The following MAPK10 variants were observed in gnomAD, a reference collection of about 807,000 sequenced individuals.
The protein encoded by MAPK10 is mitogen-activated protein kinase 10.
MAPK10 carries 25 observed loss-of-function variants against 59.3 expected under a neutral mutation model. The observed-to-expected ratio is 0.42, with a 90% CI of 0.31 to 0.59. MAPK10 has a LOEUF of 0.59. Among genes scored for constraint, MAPK10 ranks in the 20% least tolerant of loss-of-function variants. The probability of loss-of-function intolerance (pLI) is 0.15; values close to 1 mark genes in which losing one functional copy is unlikely to be tolerated. For missense variants in MAPK10, 351 were observed against 568.9 expected, an observed-to-expected ratio of 0.62 and a Z score of 3.90; for synonymous variants, 190 against 200.5, an observed-to-expected ratio of 0.95 and a Z score of 0.44.
intron 2 of MAPK10, among the ~76,000 whole-genome samples, chr4:86,265,605 T>C (rs1399317593): frequency 6.6e-6 from 1 of 152,122 alleles, no homozygotes; most frequent in Non-Finnish European, 1.5e-5. Context: ...TTTATATAAC[T>C]TGAAGTGCAA....
At chr4:86,052,431 G>T (rs1222887579) in intron 11 of MAPK10, among the ~76,000 whole-genome samples, 8 of 152,086 alleles carry the variant, frequency 5.3e-5, no homozygotes, top group African/African-American at 1.9e-4. Flanking sequence ...ATCTGAAAAA[G>T]CCTGTGAACT....
intron 11 of MAPK10, among the ~76,000 whole-genome samples, chr4:86,045,678 G>T (rs2042359233): frequency 6.6e-6 from 1 of 151,760 alleles, no homozygotes; most frequent in South Asian, 2.1e-4. Context: ...CAATGCTTGG[G>T]AACTCCTTCC....
rs773298656 is a variant in MAPK10, at chr4:86,523,973, TGAAC to T, written c.-263+69933_-263+69936del. Among the ~76,000 whole-genome samples, 182 of 152,278 alleles carry T rather than the reference TGAAC, an allele frequency of 1.2e-3. 2 individuals are homozygous for T. Among genetic ancestry groups the T allele is most frequent in the Non-Finnish European group, 2.8e-4 (19 of 68,020 alleles). ...TTGGGTCATGGGAGTGGATCCTACA[TGAAC>T]AGATTAATATCCTCCTTCAAGGGTG... On this transcript the variant is annotated intron_variant, in intron 1 of 4. Coordinates refer to the MAPK10 transcript ENST00000502302.
chr4:86,302,616 C>T (rs1255056089), intron 2 of MAPK10, among the ~76,000 whole-genome samples: 1 of 152,150 alleles, frequency 6.6e-6, no homozygotes, highest in Non-Finnish European at 1.5e-5. Flanking sequence ...TTGTAAGTGA[C>T]CTATTTAGGG....
rs911578549 is a variant in MAPK10, at chr4:86,178,718, A to G, written c.66+15618T>C. Among the ~76,000 whole-genome samples, 7 of 152,314 alleles carry G rather than the reference A, an allele frequency of 4.6e-5. No individual in the cohort carries two copies. The South Asian group carries it at 1.5e-3, about 32-fold the overall frequency. The stretch of plus-strand genomic sequence containing the variant: ...CATTAGAAATAAGTAAAGGGCATCC[A>G]AAGTAGAAAGGAAGAAGTCAAGTTG... On this transcript the variant is annotated intron_variant, in intron 3 of 13. Coordinates refer to ENST00000641462, the MANE Select transcript of MAPK10 (RefSeq NM_138982.4).
intron 9 of MAPK10, among the ~76,000 whole-genome samples, chr4:86,097,062 A>G (rs919250760): frequency 6.6e-6 from 1 of 152,016 alleles, no homozygotes; most frequent in African/African-American, 2.4e-5. Context: ...AGATATATAT[A>G]TTTAACCCAA....
intron 4 of MAPK10, among the ~76,000 whole-genome samples, chr4:86,139,740 C>A (rs2063173190): frequency 6.6e-6 from 1 of 152,024 alleles, no homozygotes; most frequent in Non-Finnish European, 1.5e-5. Flanking sequence ...ATCAGAGTAG[C>A]AGGCAACATA....
chr4:86,373,728 T>C lies in MAPK10; in HGVS notation c.-121-19084A>G, dbSNP rs548629043. On this transcript the variant is annotated intron_variant, in intron 1 of 13. Coordinates refer to the MAPK10 transcript ENST00000361569. ...AGATACCATCTCAAGCCAGTTAGAA[T>C]GGTGATCATGAGAAAGTCAGGAAAC... 6.9e-4 allele frequency among the ~76,000 whole-genome samples: 105 copies of C among 152,296 alleles called. 1 individual carries two copies. Among genetic ancestry groups the C allele is most frequent in the African/African-American group, 2.5e-3 (102 of 41,562 alleles).
intron 1 of MAPK10, among the ~76,000 whole-genome samples, chr4:86,437,213 CAAAAA>C (rs61312037): frequency 1.2e-5 from 1 of 80,750 alleles, no homozygotes. Context: ...GACTCTGTCT[CAAAAA>C]AAAAAAAAAA....
At chr4:86,187,816 C>G (rs1582278257) in intron 3 of MAPK10, among the ~76,000 whole-genome samples, 1 of 152,068 alleles carries the variant, frequency 6.6e-6, no homozygotes, top group South Asian at 2.1e-4. Flanking sequence ...ATGTGCAGAA[C>G]ATGAAGGTTT....
intron 1 of MAPK10, among the ~76,000 whole-genome samples, chr4:86,553,893 T>C (rs1345306865): frequency 7.6e-6 from 1 of 131,740 alleles, no homozygotes; most frequent in African/African-American, 3.1e-5. Flanking sequence ...ACTTCTTAAT[T>C]TTTTTTTTTT....
intron 4 of MAPK10, among the ~76,000 whole-genome samples, chr4:86,112,226 T>C (rs1421918344): frequency 6.6e-6 from 1 of 152,098 alleles, no homozygotes; most frequent in Non-Finnish European, 1.5e-5. Flanking sequence ...AGTTCTGCTC[T>C]GAGCTTGGTT....
intron 2 of MAPK10, among the ~76,000 whole-genome samples, chr4:86,289,522 T>C (rs1293471162): frequency 6.6e-6 from 1 of 151,472 alleles, no homozygotes; most frequent in Non-Finnish European, 1.5e-5. Flanking sequence ...CATTATATAG[T>C]ATGGGATATG....
intron 2 of MAPK10, among the ~76,000 whole-genome samples, chr4:86,305,771 A>G (rs556286723): frequency 6.6e-6 from 1 of 150,864 alleles, no homozygotes; most frequent in South Asian, 2.1e-4. Flanking sequence ...GTGAGCCGAG[A>G]TCACACCACT....
chr4:86,453,679 T>C (rs1279275863), upstream of MAPK10, among the ~76,000 whole-genome samples: 2 of 148,536 alleles, frequency 1.3e-5, no homozygotes, highest in African/African-American at 5.0e-5. Flanking sequence ...TCCCAAGCCA[T>C]CCTGGTAACT....
In MAPK10 at chr4:86,057,172, A is replaced by G; in HGVS notation, c.1110+7094T>C. On this transcript the variant is annotated intron_variant, in intron 11 of 13. Coordinates refer to ENST00000641462, the MANE Select transcript of MAPK10 (RefSeq NM_138982.4). ...CGTGTTGGCCAGGCCCAAACTCCTG[A>G]TATCAAGTGATCCACCCGCCTTGGC... 1.3e-5 allele frequency among the ~76,000 whole-genome samples: 2 copies of G among 149,214 alleles called. 1 individual carries two copies.
rs537402259 is a variant in MAPK10, at chr4:86,290,139, T to A, written c.-7+64391A>T. 1.4e-3 allele frequency among the ~76,000 whole-genome samples: 210 copies of A among 151,338 alleles called. 1 individual carries two copies. The highest frequency in any genetic ancestry group is 1.3e-3 in the Non-Finnish European group (85 of 67,826). ...AGGATGAGCTGAACAGGGAGGAGAG[T>A]GAGAAGAAAAGAATTATGATGGCTG... On this transcript the variant is annotated intron_variant, in intron 2 of 13. Transcript: ENST00000641462.
At chr4:86,385,520 A>G (rs1741343105) in intron 1 of MAPK10, among the ~76,000 whole-genome samples, 2 of 152,194 alleles carry the variant, frequency 1.3e-5, no homozygotes, top group South Asian at 2.1e-4. Flanking sequence ...AATATAAACT[A>G]TGTAATCATT....
chr4:86,172,223 G>A (rs2074403791), intron 3 of MAPK10, among the ~76,000 whole-genome samples: 1 of 141,406 alleles, frequency 7.1e-6, no homozygotes, highest in South Asian at 2.2e-4. Flanking sequence ...CCCATTACTG[G>A]GTATATACCC....
Sources: gnomAD v4.1 joint callset for allele counts (sites outside exome capture counted in the v4.1 genomes callset) on GRCh38, gnomAD v4.1.1 for gene constraint, MANE v1.5 for transcripts, NCBI Gene and HGNC (gene_info 2026-07-23, HGNC 2026-07-21) for gene names.